CSMD2: variants seen among roughly 807,000 people sequenced by gnomAD.
CSMD2 encodes the protein CUB and Sushi multiple domains 2.
In CSMD2, 130 loss-of-function variants were observed where a neutral mutation model predicts 398.5. That is an observed-to-expected ratio of 0.33 (90% CI 0.28 to 0.38). The LOEUF is 0.38. CSMD2 is among the 10% of genes least tolerant of loss of function. CSMD2 has a pLI of 1.00. For missense variants in CSMD2, 3,829 were observed against 4,764.9 expected (o/e 0.80, Z 5.78); for synonymous variants, 1,828 against 1,908.5 (o/e 0.96, Z 1.10).
At chr1:33,982,893 T>A (rs957148378) in intron 3 of CSMD2, among the ~76,000 whole-genome samples, 1 of 151,804 alleles carries the variant, frequency 6.6e-6, no homozygotes, top group African/African-American at 2.4e-5. Context: ...ACCCTAGGAG[T>A]CCAAGGGAGT....
At position 33,633,496 on chromosome 1, in the gene CSMD2, T is replaced by C. The variant is rs780328982; in HGVS notation, c.5126A>G (p.Asn1709Ser). 2 of 1,553,676 alleles carry C rather than the reference T, an allele frequency of 1.3e-6. No homozygotes were observed. The highest frequency in any genetic ancestry group is 8.7e-7 in the Non-Finnish European group (1 of 1,148,048). ...GCCGTCGTGAACCTCCACCACGTCG[T>C]TGAGGGCCGTGTGAAAGAAGGCGAA... is the stretch of plus-strand genomic sequence containing the variant. Reference protein sequence around the residue: ...GQFAFFHTALNDVVEVHDGHS... With the variant: ...GQFAFFHTALSDVVEVHDGHS... The change falls in exon 32 of 71, where the codon AAC becomes AGC. Residue 1709 changes from asparagine to serine, a missense_variant. Physicochemically the swap from Asn to Ser is conservative, Grantham distance 46. Transcript: ENST00000373381. This position sits in a 1 kb window ranked among gnomAD's most constrained non-coding sequence, Gnocchi z 5.0.
chr1:33,707,830 T>A (rs1458750557), intron 22 of CSMD2, among the ~76,000 whole-genome samples: 3 of 152,046 alleles, frequency 2.0e-5, no homozygotes, highest in African/African-American at 7.2e-5. Context: ...ATTTATCACA[T>A]CTGGAGATAA....
intron 13 of CSMD2, among the ~76,000 whole-genome samples, chr1:33,749,040 C>A (rs1356279460): frequency 6.6e-6 from 1 of 150,660 alleles, no homozygotes; most frequent in Non-Finnish European, 1.5e-5. Flanking sequence ...AAAACTCTTT[C>A]CAAATAAGTT....
At chr1:34,120,576 C>T (rs1662074707) in intron 1 of CSMD2, among the ~76,000 whole-genome samples, 1 of 152,114 alleles carries the variant, frequency 6.6e-6, no homozygotes, top group South Asian at 2.1e-4. Context: ...TTGAGTTTTG[C>T]TCTTGTTGCC....
At chr1:33,770,348 C>A (rs1031826704) in intron 13 of CSMD2, among the ~76,000 whole-genome samples, 2 of 152,194 alleles carry the variant, frequency 1.3e-5, no homozygotes, top group African/African-American at 2.4e-5. Context: ...GTGTACCAGG[C>A]CTTTCTTATC....
chr1:33,973,708 T>G (rs1645854681), intron 3 of CSMD2, among the ~76,000 whole-genome samples: 1 of 152,106 alleles, frequency 6.6e-6, no homozygotes, highest in South Asian at 2.1e-4. Flanking sequence ...AAGAGCTGGC[T>G]GGGGAGACAG....
chr1:34,050,745 G>A (rs1048667679), intron 2 of CSMD2, among the ~76,000 whole-genome samples: 4 of 152,210 alleles, frequency 2.6e-5, no homozygotes, highest in Non-Finnish European at 1.5e-5. Context: ...AACTGACAAA[G>A]TGTTTCCTTC....
intron 15 of CSMD2, among the ~76,000 whole-genome samples, chr1:33,729,151 C>T (rs1274852073): frequency 4.6e-5 from 7 of 152,176 alleles, no homozygotes; most frequent in Non-Finnish European, 7.3e-5. Flanking sequence ...ATTTACTGCC[C>T]GGGGAGCTAC....
intron 6 of CSMD2, among the ~76,000 whole-genome samples, chr1:33,844,838 C>T (rs1661204113): frequency 6.6e-6 from 1 of 152,182 alleles, no homozygotes; most frequent in Non-Finnish European, 1.5e-5. Flanking sequence ...TGCAAAACTT[C>T]ATTCTGGGCT....
At chr1:34,127,024 A>G (rs1662814711) in intron 1 of CSMD2, among the ~76,000 whole-genome samples, 1 of 152,182 alleles carries the variant, frequency 6.6e-6, no homozygotes, top group South Asian at 2.1e-4. Context: ...GCAAGAGGAC[A>G]GAAAAAGAAA....
intron 19 of CSMD2, among the ~76,000 whole-genome samples, chr1:33,722,682 G>T (rs897404619): frequency 7.8e-6 from 1 of 128,980 alleles, no homozygotes; most frequent in East Asian, 2.8e-4. Context: ...CACATGTTGC[G>T]ATTTTTTTTT....
intron 44 of CSMD2, chr1:33,592,362 A>C: frequency 2.8e-6 from 2 of 715,180 alleles, no homozygotes; most frequent in East Asian, 2.7e-5. Context: ...TCAACTTCCC[A>C]AGAGAGAACA....
chr1:33,931,220 G>C (rs1644302739), intron 4 of CSMD2, among the ~76,000 whole-genome samples: 1 of 151,276 alleles, frequency 6.6e-6, no homozygotes, highest in Admixed American at 6.6e-5. Flanking sequence ...GCCAGCTCTT[G>C]AGAGTTCTAC....
At chr1:33,584,645 G>T (rs1246654638) in intron 46 of CSMD2, among the ~76,000 whole-genome samples, 4 of 131,748 alleles carry the variant, frequency 3.0e-5, no homozygotes, top group Non-Finnish European at 5.0e-5. Context: ...CCAGCCTGGC[G>T]ACAGAGTGAG....
rs578168838 is a variant in CSMD2 at position 34,079,932 on chromosome 1, T to G, written c.404+9045A>C. 2.6e-4 allele frequency among the ~76,000 whole-genome samples: 39 copies of G among 152,198 alleles called. No homozygotes were observed. The Middle Eastern group carries it at 0.02, about 80-fold the overall frequency. The stretch of plus-strand genomic sequence containing the variant: ...TACCAAAAAATATGAGTGAACTAAA[T>G]TTTCCTGTTAAAGGATAGTGACTCT... On this transcript the variant is annotated intron_variant, in intron 2 of 70. Coordinates refer to ENST00000373381, the MANE Select transcript of CSMD2 (RefSeq NM_001281956.2).
chr1:34,038,113 A>G (rs1651382001), intron 2 of CSMD2, among the ~76,000 whole-genome samples: 1 of 152,098 alleles, frequency 6.6e-6, no homozygotes, highest in Non-Finnish European at 1.5e-5. Flanking sequence ...TCGCTCCCCC[A>G]CCCACTTATC....
rs1203520622 is a variant in CSMD2, at chr1:34,163,057, G to A, written c.187+1854C>T. 6.6e-6 allele frequency among the ~76,000 whole-genome samples: 1 copy of A among 152,214 alleles called. No individual in the cohort carries two copies. The highest frequency in any genetic ancestry group is 2.4e-5 in the African/African-American group (1 of 41,470). ...ATTCCAGCACCGCTGAGCGGTGCAA[G>A]CGCCGGTGAGTCGGCCTTTTTCTCT... On this transcript the variant is annotated intron_variant, in intron 1 of 70. Coordinates refer to ENST00000373381, the MANE Select transcript of CSMD2 (RefSeq NM_001281956.2). This position sits in a 1 kb window ranked among gnomAD's most constrained non-coding sequence, Gnocchi z 5.4.
At chr1:34,036,969 C>CT (rs1242219198) in intron 2 of CSMD2, among the ~76,000 whole-genome samples, 3 of 152,116 alleles carry the variant, frequency 2.0e-5, no homozygotes, top group South Asian at 2.1e-4. Context: ...TTTTCATTGT[C>CT]TGGCTGGACA....
chr1:33,953,844 C>A (rs1203060251), intron 3 of CSMD2, among the ~76,000 whole-genome samples: 1 of 152,106 alleles, frequency 6.6e-6, no homozygotes, highest in African/African-American at 2.4e-5. Context: ...ATGAGCATGT[C>A]CAAAATTTAT....
Sources: allele counts gnomAD v4.1 joint callset (sites outside exome capture counted in the v4.1 genomes callset), GRCh38; gene constraint gnomAD v4.1.1; non-coding constraint Gnocchi (gnomAD v3.1); transcripts MANE v1.5; gene names NCBI Gene and HGNC (gene_info 2026-07-23, HGNC 2026-07-21).